Variants in SLC22A5 observed in about 807,000 individuals in gnomAD.
SLC22A5 encodes the protein solute carrier family 22 member 5.
A neutral mutation model predicts 56.7 loss-of-function variants in SLC22A5; 44 were observed. The observed-to-expected ratio is 0.78, with a 90% confidence interval of 0.61 to 1.00. The LOEUF (loss-of-function observed/expected upper bound fraction) is 1.00, where lower values mean the gene tolerates loss of function less well. SLC22A5 is among the 50% of genes least tolerant of loss of function. The pLI is 0.00. For missense variants in SLC22A5, 675 were observed against 723.0 expected (o/e 0.93, Z 0.76); for synonymous variants, 278 against 292.1 (o/e 0.95, Z 0.49).
Position 132,393,830 on chromosome 5 carries a change from T to C in SLC22A5, c.1586+19T>C, listed in dbSNP as rs1752789220. On this transcript the variant is annotated intron_variant, in intron 9 of 9. Coordinates refer to ENST00000245407, the MANE Select transcript of SLC22A5 (RefSeq NM_003060.4). ...TCAAAGGGTAAGAAGACCTCCTCTGTCAGTGTTGATGCACTGGGTCTGGGT... is the reference window on the plus strand; with the variant it reads ...TCAAAGGGTAAGAAGACCTCCTCTGCCAGTGTTGATGCACTGGGTCTGGGT... The C allele has an allele frequency of 3.1e-6, 5 of 1,614,070 alleles. No individual in the cohort carries two copies. The East Asian group carries it at 1.1e-4, about 36-fold the overall frequency.
At position 132,387,078 on chromosome 5, in the gene SLC22A5, C is replaced by T. The variant is rs893286644; in HGVS notation, c.878C>T (p.Ala293Val). The change falls in exon 5 of 10, where the codon GCA (alanine) becomes GTA (valine). Residue 293 changes from alanine to valine, a missense_variant. Transcript: ENST00000245407. ...ATCTCTCAGGGACGATTTGAAGAGGCAGAGGTGATCATCCGCAAGGCTGCC... is the reference window on the plus strand; with the variant it reads ...ATCTCTCAGGGACGATTTGAAGAGGTAGAGGTGATCATCCGCAAGGCTGCC... ...WLISQGRFEE[A>V]EVIIRKAAKA... The T allele has an allele frequency of 2.9e-5, 47 of 1,613,978 alleles. No individual in the cohort carries two copies. Among genetic ancestry groups the T allele is most frequent in the Non-Finnish European group, 3.8e-5 (45 of 1,179,942 alleles).
At chr5:132,386,227 C>CT (rs1195308297) in intron 4 of SLC22A5, among the ~76,000 whole-genome samples, 8 of 114,334 alleles carry the variant, frequency 7.0e-5, no homozygotes, top group Non-Finnish European at 1.2e-4. Flanking sequence ...TTTTTCTTTT[C>CT]TTTTTTTTTC....
intron 9 of SLC22A5, 69 bp from the exon 10 acceptor site, chr5:132,394,116 T>G: frequency 9.7e-7 from 1 of 1,034,096 alleles, no homozygotes; most frequent in East Asian, 2.4e-5. Context: ...CCTCAGTTCT[T>G]GTTTGTTTGG....
In SLC22A5 at chr5:132,370,290, G is replaced by A. The variant is rs1214969369; in HGVS notation, c.318G>A (p.Gly106=). Residue 106 remains glycine (G), a synonymous_variant, in exon 1 of 10, where the codon GGG becomes GGA. Transcript: ENST00000245407. ...GLEPGRDVDL[G]QLEQESCLDG... is the part of the protein sequence containing the mutation. ...AGCCGGGGCGCGACGTGGACCTGGG[G>A]CAGCTGGAGCAGGAGAGCTGTCTGG... 53 of 1,607,926 alleles carry A rather than the reference G, an allele frequency of 3.3e-5. No homozygotes were observed. Among genetic ancestry groups the A allele is most frequent in the Non-Finnish European group, 4.3e-5 (51 of 1,177,804 alleles).
At chr5:132,370,538 C>T (rs1480633915) in intron 1 of SLC22A5, among the ~76,000 whole-genome samples, 173 bp downstream of exon 1, 1 of 152,224 alleles carries the variant, frequency 6.6e-6, no homozygotes, top group Non-Finnish European at 1.5e-5. Flanking sequence ...GAACGCTTCA[C>T]GAGGTGACCT....
chr5:132,390,948 T>A, intron 7 of SLC22A5, 44 bp downstream of exon 7: 1 of 1,452,426 alleles, frequency 6.9e-7, no homozygotes, highest in Non-Finnish European at 9.6e-7. Flanking sequence ...TCACTGAGTC[T>A]CTTACTGTCT....
At position 132,394,061 on chromosome 5, in the gene SLC22A5, A is replaced by C. The variant is rs1338638514; in HGVS notation, c.1587-124A>C. On this transcript the variant is annotated intron_variant, in intron 9 of 9. Transcript: ENST00000245407. ...ACTGGATAACTCAGAGGCTAGAAGA[A>C]ACCTTTCAGAATCTGCTGCAGGATT... 12 of 814,486 alleles carry C rather than the reference A, an allele frequency of 1.5e-5. No homozygotes were observed. The South Asian group carries it at 1.7e-4, about 12-fold the overall frequency. The allele number at this position is 814,486 out of a possible 1,614,324, so 50.5% of individuals were successfully genotyped here. A position where few individuals can be genotyped will look rare whatever the true frequency, so the allele number is the denominator to read the frequency against.
intron 1 of SLC22A5, chr5:132,378,068 T>C: frequency 1.3e-6 from 2 of 1,525,886 alleles, no homozygotes; most frequent in Non-Finnish European, 1.8e-6. Flanking sequence ...TCCGCTCAGA[T>C]TTTTAGGAGC....
chr5:132,382,264 G>A (rs973094129), intron 2 of SLC22A5: 22 of 152,120 alleles, frequency 1.4e-4, no homozygotes, highest in African/African-American at 5.3e-4. Context: ...AGCCACCACT[G>A]TACTCTTGAA....
chr5:132,393,825 C>T lies in SLC22A5; in HGVS notation c.1586+14C>T. The T allele has an allele frequency of 5.6e-6, 9 of 1,614,132 alleles. No homozygotes were observed. Among genetic ancestry groups the T allele is most frequent in the Non-Finnish European group, 7.6e-6 (9 of 1,179,990 alleles). On this transcript the variant is annotated intron_variant, in intron 9 of 9. Transcript: ENST00000245407. ...AAGAGTCAAAGGGTAAGAAGACCTCCTCTGTCAGTGTTGATGCACTGGGTC... is the reference window on the plus strand; with the variant it reads ...AAGAGTCAAAGGGTAAGAAGACCTCTTCTGTCAGTGTTGATGCACTGGGTC...
intron 4 of SLC22A5, among the ~76,000 whole-genome samples, chr5:132,386,112 G>A (rs367782778): frequency 6.6e-6 from 1 of 152,244 alleles, no homozygotes; most frequent in Non-Finnish European, 1.5e-5. Context: ...AGTCATGACC[G>A]AGGGTGGGGG....
intron 2 of SLC22A5, chr5:132,378,934 C>G (rs1580878797): frequency 4.8e-6 from 1 of 207,544 alleles, no homozygotes; most frequent in African/African-American, 2.3e-5. Context: ...AAGGAGCTCT[C>G]ACCAGCCACT....
chr5:132,389,953 C>CTTTT (rs960948062), intron 6 of SLC22A5: 1 of 156,062 alleles, frequency 6.4e-6, no homozygotes, highest in Non-Finnish European at 1.4e-5. Flanking sequence ...TGCACATACT[C>CTTTT]TTTTTATTGT....
At chr5:132,379,687 T>C (rs13187029) in intron 2 of SLC22A5, 12,161 of 151,314 alleles carry the variant, frequency 0.08, 602 homozygotes, top group East Asian at 0.28. Context: ...TTTCTCCATG[T>C]TGGTCAGGCT....
intron 8 of SLC22A5, 116 bp downstream of exon 8, chr5:132,392,731 T>C: frequency 1.2e-6 from 1 of 866,308 alleles, no homozygotes; most frequent in East Asian, 2.6e-5. Context: ...GTACATGGGC[T>C]CCATCCAGTA....
chr5:132,378,017 C>A, intron 1 of SLC22A5: 1 of 1,315,800 alleles, frequency 7.6e-7, no homozygotes, highest in Non-Finnish European at 1.0e-6. Flanking sequence ...GGCCTGAACC[C>A]CACTGAGCGA....
rs186836458 is a variant in SLC22A5 at position 132,386,315 on chromosome 5, C to T, written c.825-710C>T. 3.4e-3 allele frequency among the ~76,000 whole-genome samples: 511 copies of T among 151,924 alleles called. 4 individuals carry two copies. Among genetic ancestry groups the T allele is most frequent in the African/African-American group, 0.012 (487 of 41,376 alleles). On this transcript the variant is annotated intron_variant, in intron 4 of 9. Coordinates refer to ENST00000245407, the MANE Select transcript of SLC22A5 (RefSeq NM_003060.4). ...TGATTTCCACTTACTGCAACCTCCG[C>T]CTCCCCAGTTCAAGCGATTCTCATG... is the stretch of plus-strand genomic sequence containing the variant.
At chr5:132,386,906 C>A in intron 4 of SLC22A5, 119 bp from the exon 5 acceptor site, 1 of 1,109,048 alleles carries the variant, frequency 9.0e-7, no homozygotes, top group Non-Finnish European at 1.4e-6. Flanking sequence ...TTGTGATCAC[C>A]AAACATTCCA....
chr5:132,388,808 C>T, intron 5 of SLC22A5, 113 bp from the exon 6 acceptor site: 1 of 779,238 alleles, frequency 1.3e-6, no homozygotes, highest in Non-Finnish European at 2.3e-6. Context: ...ACGTAACACT[C>T]CCCGACGCTG....
Sources: allele counts gnomAD v4.1 joint callset (sites outside exome capture counted in the v4.1 genomes callset), GRCh38; gene constraint gnomAD v4.1.1; transcripts MANE v1.5; gene names NCBI Gene and HGNC (gene_info 2026-07-23, HGNC 2026-07-21).